Variants in GAS2 observed in about 807,000 individuals in gnomAD.
GAS2 encodes the protein growth arrest-specific protein 2.
In GAS2, 20 loss-of-function variants were observed where a neutral mutation model predicts 37.5. That is an observed-to-expected ratio of 0.53 (90% confidence interval 0.37 to 0.77). The LOEUF (loss-of-function observed/expected upper bound fraction) is 0.77, where lower values mean the gene tolerates loss of function less well. Ranked by LOEUF, GAS2 falls within the 30% of genes least tolerant of loss-of-function variation. GAS2 has a pLI of 0.00. For synonymous variants in GAS2, 144 were observed against 132.2 expected (o/e 1.09, Z -0.61); for missense variants, 336 against 373.4 (o/e 0.90, Z 0.82).
chr11:22,768,008 G>T (rs1232727915), intron 7 of GAS2, among the ~76,000 whole-genome samples: 1 of 152,100 alleles, frequency 6.6e-6, no homozygotes, highest in African/African-American at 2.4e-5. Context: ...CATCTAAACG[G>T]CCAGTCCTTC....
intron 1 of GAS2, among the ~76,000 whole-genome samples, chr11:22,653,050 T>TTTCTC (rs1259422923): frequency 2.0e-5 from 2 of 102,378 alleles, no homozygotes; most frequent in Non-Finnish European, 4.5e-5. Flanking sequence ...TCTTTCTTTC[T>TTTCTC]TTGCTTTCTT....
At chr11:22,681,728 G>C (rs1462484255) in intron 2 of GAS2, among the ~76,000 whole-genome samples, 1 of 152,106 alleles carries the variant, frequency 6.6e-6, no homozygotes, top group Non-Finnish European at 1.5e-5. Context: ...CTGTGTAACA[G>C]AGATATTTAC....
At chr11:22,629,585 G>C (rs754308765) in intron 1 of GAS2, among the ~76,000 whole-genome samples, 2 of 152,012 alleles carry the variant, frequency 1.3e-5, no homozygotes, top group African/African-American at 4.8e-5. Context: ...TCATACATTT[G>C]TTGGCCATTT....
chr11:22,775,814 C>G (rs1470774059), intron 7 of GAS2, among the ~76,000 whole-genome samples: 2 of 152,176 alleles, frequency 1.3e-5, no homozygotes, highest in African/African-American at 4.8e-5. Flanking sequence ...TTCAGATTCT[C>G]AGTTCCAGGT....
Position 22,709,994 on chromosome 11 carries a change from G to A in GAS2, c.268-16298G>A, listed in dbSNP as rs1254916054. 1.4e-4 allele frequency among the ~76,000 whole-genome samples: 20 copies of A among 140,210 alleles called. 1 individual carries two copies. The highest frequency in any genetic ancestry group is 6.6e-4 in the Admixed American group (9 of 13,650). 92.0% of individuals were successfully genotyped at this position (140,210 alleles called of 152,430 possible). A position where few individuals can be genotyped will look rare whatever the true frequency, so the allele number is the denominator to read the frequency against. The stretch of plus-strand genomic sequence containing the variant: ...ACATAGACACAGGAAGGGGAACATC[G>A]CACTCTGGGGACTGTTGTGGGGTAG... On this transcript the variant is annotated intron_variant, in intron 3 of 7. Coordinates refer to ENST00000454584, the MANE Select transcript of GAS2 (RefSeq NM_001143830.3).
At chr11:22,715,460 C>CAAAAAAAAAAAAAAAAAA (rs1192862614) in intron 3 of GAS2, among the ~76,000 whole-genome samples, 5 of 41,746 alleles carry the variant, frequency 1.2e-4, no homozygotes, top group Non-Finnish European at 1.9e-4. Flanking sequence ...GACTCTGTCT[C>CAAAAAAAAAAAAAAAAAA]AAAAAAAAAA....
chr11:22,713,960 C>T (rs958225044), intron 3 of GAS2, among the ~76,000 whole-genome samples: 1 of 151,892 alleles, frequency 6.6e-6, no homozygotes, highest in Non-Finnish European at 1.5e-5. Context: ...GAAACAATAA[C>T]ACAATGAGAA....
Position 22,666,866 on chromosome 11 carries a change from G to C in GAS2, c.-54G>C, listed in dbSNP as rs1307862329. On this transcript the variant is annotated 5_prime_UTR_variant, in exon 1 of 8. An upstream open reading frame in the 5' UTR loses its in-frame stop. Coordinates refer to ENST00000454584, the MANE Select transcript of GAS2 (RefSeq NM_001143830.3). The stretch of plus-strand genomic sequence containing the variant: ...CCCAGCCCGGAGCCCAAGCGCCTCT[G>C]AGAGCCGCCAGCAGCCCAGCTCGGG... The C allele has an allele frequency of 6.6e-6, 1 of 152,622 alleles. No individual in the cohort carries two copies. The highest frequency in any genetic ancestry group is 1.5e-5 in the Non-Finnish European group (1 of 68,420). 9.5% of individuals were successfully genotyped at this position (152,622 alleles called of 1,614,324 possible). A position where few individuals can be genotyped will look rare whatever the true frequency, so the allele number is the denominator to read the frequency against.
intron 1 of GAS2, among the ~76,000 whole-genome samples, chr11:22,645,278 G>A (rs1328148642): frequency 6.6e-6 from 1 of 152,090 alleles, no homozygotes; most frequent in Non-Finnish European, 1.5e-5. Context: ...GGGAGGCCGA[G>A]ATGGGCAGAT....
upstream of GAS2, among the ~76,000 whole-genome samples, chr11:22,665,321 A>C (rs1297801541): frequency 6.6e-6 from 1 of 152,162 alleles, no homozygotes; most frequent in African/African-American, 2.4e-5. Context: ...ATCAGGAAAA[A>C]TTATCAAGAA....
chr11:22,710,631 A>C (rs1851359282), intron 3 of GAS2, among the ~76,000 whole-genome samples: 1 of 152,062 alleles, frequency 6.6e-6, no homozygotes, highest in African/African-American at 2.4e-5. Context: ...GATTATCTAT[A>C]ATTAATAATA....
Position 22,811,929 on chromosome 11 carries a change from A to G in GAS2, c.855A>G (p.Gln285=). The G allele has an allele frequency of 1.2e-6, 2 of 1,614,126 alleles. No homozygotes were observed. The highest frequency in any genetic ancestry group is 1.1e-5 in the South Asian group (1 of 91,090). ...TGGATGGCAAAACATCCCCTATCCA[A>G]AGCAAATCTCCAACTCTAAAGGACA... ...SRVDGKTSPI[Q]SKSPTLKDMN... is the part of the protein sequence containing the mutation. Residue 285 remains glutamine, a synonymous_variant, in exon 8 of 8, where the codon CAA becomes CAG. Coordinates refer to ENST00000454584, the MANE Select transcript of GAS2 (RefSeq NM_001143830.3).
At chr11:22,628,516 A>G (rs753311333) in intron 1 of GAS2, among the ~76,000 whole-genome samples, 1 of 152,206 alleles carries the variant, frequency 6.6e-6, no homozygotes, top group South Asian at 2.1e-4. Context: ...AAAAAGGCCA[A>G]ATTTCAGCAG....
chr11:22,789,989 GA>G (rs1307535952), intron 7 of GAS2, among the ~76,000 whole-genome samples: 1 of 152,146 alleles, frequency 6.6e-6, no homozygotes, highest in Non-Finnish European at 1.5e-5. Flanking sequence ...GAAGTCATTA[GA>G]AAGAGACAAC....
chr11:22,731,098 A>G (rs1852451911), intron 4 of GAS2, among the ~76,000 whole-genome samples: 1 of 151,816 alleles, frequency 6.6e-6, no homozygotes, highest in African/African-American at 2.4e-5. Context: ...ATTTTCTTAA[A>G]TTACTGCTAG....
intron 3 of GAS2, among the ~76,000 whole-genome samples, chr11:22,709,445 A>G (rs186328851): frequency 6.6e-6 from 1 of 152,316 alleles, no homozygotes; most frequent in Admixed American, 6.5e-5. Context: ...TAGGATTGGT[A>G]TTAGGTGCTT....
chr11:22,777,196 C>A (rs1212162835), intron 7 of GAS2, among the ~76,000 whole-genome samples: 2 of 152,074 alleles, frequency 1.3e-5, no homozygotes, highest in African/African-American at 4.8e-5. Flanking sequence ...AGCCATACAA[C>A]AAATTAAAGA....
intron 7 of GAS2, among the ~76,000 whole-genome samples, chr11:22,809,228 G>T (rs1857028768): frequency 6.6e-6 from 1 of 152,134 alleles, no homozygotes; most frequent in African/African-American, 2.4e-5. Flanking sequence ...TTTGGGTGCT[G>T]CAACCAAGAA....
At chr11:22,640,317 C>T in intron 1 of GAS2, among the ~76,000 whole-genome samples, 1 of 152,276 alleles carries the variant, frequency 6.6e-6, no homozygotes, top group Admixed American at 6.5e-5. Context: ...ATTAGAGCTT[C>T]ATCAACACTT....
Sources: gnomAD v4.1 joint callset for allele counts (sites outside exome capture counted in the v4.1 genomes callset) on GRCh38, gnomAD v4.1.1 for gene constraint, MANE v1.5 for transcripts, NCBI Gene and HGNC (gene_info 2026-07-23, HGNC 2026-07-21) for gene names.